Variants in TIAM2 observed in about 807,000 individuals in gnomAD.
TIAM2 encodes the protein TIAM Rac1 associated GEF 2, also known as rho guanine nucleotide exchange factor TIAM2.
A neutral mutation model predicts 152.9 loss-of-function variants in TIAM2; 80 were observed. That is an observed-to-expected ratio of 0.52 (90% CI 0.44 to 0.63). The LOEUF (loss-of-function observed/expected upper bound fraction) is 0.63, where lower values mean the gene tolerates loss of function less well. Ranked by LOEUF, TIAM2 falls within the 30% of genes least tolerant of loss-of-function variation. The pLI is 0.00. For missense variants in TIAM2, 1,965 were observed against 2,120.1 expected (o/e 0.93, Z 1.44); for synonymous variants, 804 against 838.0 (o/e 0.96, Z 0.70).
chr6:155,213,556 C>T lies in TIAM2; in HGVS notation c.3168+2249C>T, dbSNP rs961818765. Among the ~76,000 whole-genome samples the T allele has an allele frequency of 1.3e-5, 2 of 152,202 alleles. No homozygotes were observed. Among genetic ancestry groups the T allele is most frequent in the South Asian group, 4.1e-4 (2 of 4,822 alleles). On this transcript the variant is annotated intron_variant, in intron 15 of 26. Coordinates refer to ENST00000682666, the MANE Select transcript of TIAM2 (RefSeq NM_012454.4). The surrounding 1 kb of genome is among the most constrained non-coding windows in gnomAD (Gnocchi z 4.2). Reference sequence around the variant, plus strand: ...GCCATGAGCAGACCCAGAAAAAGCTCCATAAGTTCCCACTCTGGTCTGTGG... The same window carrying T: ...GCCATGAGCAGACCCAGAAAAAGCTTCATAAGTTCCCACTCTGGTCTGTGG...
At chr6:155,105,147 G>A (rs1778652301) in intron 2 of TIAM2, among the ~76,000 whole-genome samples, 1 of 151,780 alleles carries the variant, frequency 6.6e-6, no homozygotes, top group Admixed American at 6.6e-5. Context: ...TAGTAGAGAT[G>A]GGGTTTCACC....
intron 14 of TIAM2, among the ~76,000 whole-genome samples, chr6:155,209,298 G>T (rs570036014): frequency 6.6e-6 from 1 of 152,140 alleles, no homozygotes; most frequent in African/African-American, 2.4e-5. Context: ...TACTCAAGAA[G>T]TATGTGTTGA....
chr6:155,215,141 T>C (rs998090764), intron 15 of TIAM2, among the ~76,000 whole-genome samples: 2 of 152,176 alleles, frequency 1.3e-5, no homozygotes, highest in African/African-American at 4.8e-5. Context: ...AAGAAGGAAA[T>C]TGAATTTTTT....
At chr6:155,225,793 A>T (rs534220204) in intron 15 of TIAM2, among the ~76,000 whole-genome samples, 18 of 152,338 alleles carry the variant, frequency 1.2e-4, no homozygotes, top group African/African-American at 4.3e-4. Context: ...AAAGATAGGT[A>T]TTGTTCCATA....
chr6:155,231,573 G>A (rs555883194), intron 15 of TIAM2, among the ~76,000 whole-genome samples: 2 of 152,198 alleles, frequency 1.3e-5, no homozygotes, highest in Non-Finnish European at 2.9e-5. Context: ...CACGGAGCAT[G>A]CCGGTCCAGG....
chr6:155,234,960 A>G (rs1031055568), intron 15 of TIAM2, among the ~76,000 whole-genome samples: 1 of 152,022 alleles, frequency 6.6e-6, no homozygotes. Flanking sequence ...GGCTGTGCGG[A>G]CAGCTAGAGA....
chr6:155,103,030 G>T (rs1255673591), intron 2 of TIAM2, among the ~76,000 whole-genome samples: 1 of 152,052 alleles, frequency 6.6e-6, no homozygotes, highest in Non-Finnish European at 1.5e-5. Flanking sequence ...TCTTTGCCAA[G>T]GAATTTAATT....
chr6:155,170,085 G>A lies in TIAM2; in HGVS notation c.2361+4676G>A, dbSNP rs528167286. Among the ~76,000 whole-genome samples, 17 of 152,206 alleles carry A rather than the reference G, an allele frequency of 1.1e-4. No individual in the cohort carries two copies. In the South Asian group the frequency reaches 2.7e-3, roughly 24 times the overall value. On this transcript the variant is annotated intron_variant, in intron 9 of 26. Coordinates refer to ENST00000682666, the MANE Select transcript of TIAM2 (RefSeq NM_012454.4). The stretch of plus-strand genomic sequence containing the variant: ...ACCCACCTCAGTCTCCCAAAGTGCC[G>A]AGATTACAGGCGTGAGCCACTGCAC...
chr6:155,159,908 C>T, intron 7 of TIAM2, among the ~76,000 whole-genome samples: 1 of 152,174 alleles, frequency 6.6e-6, no homozygotes. Flanking sequence ...AGATGGCTTA[C>T]TCTGCCACAA....
chr6:155,232,603 C>G (rs752703026), intron 15 of TIAM2: 2 of 152,214 alleles, frequency 1.3e-5, no homozygotes, highest in African/African-American at 4.8e-5. Context: ...TGGGGAAACT[C>G]TGAGGACATG....
At chr6:155,030,362 G>C (rs61372311) in intron 1 of TIAM2, among the ~76,000 whole-genome samples, 31,660 of 152,036 alleles carry the variant, frequency 0.21, 3,520 homozygotes, top group Middle Eastern at 0.28. Flanking sequence ...ACTGCCTTCT[G>C]TTGGTGAGAA....
Position 155,257,402 on chromosome 6 carries a change from A to AGTT in TIAM2, c.*282_*284dup. On this transcript the variant is annotated 3_prime_UTR_variant, in exon 27 of 27. Transcript: ENST00000682666. ...CCTTAAAATTACATTCTAATAATTA[A>AGTT]GTTATGTGGAAAAAGTAAGGCTGGG... 2.5e-6 allele frequency: 1 copy of AGTT among 394,214 alleles called. No homozygotes were observed. Among genetic ancestry groups the AGTT allele is most frequent in the Middle Eastern group, 7.2e-4 (1 of 1,386 alleles). 24.4% of individuals were successfully genotyped at this position (394,214 alleles called of 1,614,324 possible). A position where few individuals can be genotyped will look rare whatever the true frequency, so the allele number is the denominator to read the frequency against.
chr6:155,059,323 TGTGCGC>T (rs1433269413), intron 1 of TIAM2, among the ~76,000 whole-genome samples: 2 of 137,442 alleles, frequency 1.5e-5, no homozygotes, highest in African/African-American at 2.7e-5. Flanking sequence ...TGTGTGTGTG[TGTGCGC>T]GTGTATGTTT....
chr6:155,084,541 G>A (rs1170944626), intron 1 of TIAM2, among the ~76,000 whole-genome samples: 8 of 152,238 alleles, frequency 5.3e-5, no homozygotes, highest in African/African-American at 1.9e-4. Flanking sequence ...AGGGAGAGCA[G>A]TGAACAAAAT....
At chr6:155,064,979 T>TAA (rs1554227847) in intron 1 of TIAM2, among the ~76,000 whole-genome samples, 2 of 151,786 alleles carry the variant, frequency 1.3e-5, no homozygotes, top group African/African-American at 4.8e-5. Context: ...ATTGTTGAGA[T>TAA]AGTCTTGCTT....
chr6:155,158,934 A>G (rs1267774656), intron 7 of TIAM2, among the ~76,000 whole-genome samples: 3 of 152,116 alleles, frequency 2.0e-5, no homozygotes, highest in Admixed American at 6.6e-5. Flanking sequence ...TTGATGTTAG[A>G]AAAAAATATC....
rs139004898 is a variant in TIAM2 at position 155,187,159 on chromosome 6, C to A, written c.3064+3659C>A. ...GAGCACTTAAAATGTGTGGGGGACC[C>A]TGGGAACAAGCTACACAGAGTTCAG... On this transcript the variant is annotated intron_variant, in intron 14 of 26. Transcript: ENST00000682666. Among the ~76,000 whole-genome samples, 65 of 152,210 alleles carry A rather than the reference C, an allele frequency of 4.3e-4. No homozygotes were observed. The Middle Eastern group carries it at 0.01, about 24-fold the overall frequency.
chr6:155,037,990 T>C (rs1186000598), intron 1 of TIAM2, among the ~76,000 whole-genome samples: 1 of 149,462 alleles, frequency 6.7e-6, no homozygotes, highest in Non-Finnish European at 1.5e-5. Flanking sequence ...ACTTTTAGGA[T>C]CAAAAGAGGC....
At chr6:155,206,808 A>T (rs1247312822) in intron 14 of TIAM2, among the ~76,000 whole-genome samples, 12 of 152,164 alleles carry the variant, frequency 7.9e-5, no homozygotes, top group Admixed American at 6.5e-4. Context: ...GTTAATTTCC[A>T]CGAGAAATGT....
Sources: allele counts gnomAD v4.1 joint callset (sites outside exome capture counted in the v4.1 genomes callset), GRCh38; gene constraint gnomAD v4.1.1; non-coding constraint Gnocchi (gnomAD v3.1); transcripts MANE v1.5; gene names NCBI Gene and HGNC (gene_info 2026-07-23, HGNC 2026-07-21).